The following B3GALT2 variants were observed in gnomAD, a reference collection of about 807,000 sequenced individuals.
B3GALT2 encodes UDP-Gal:betaGlcNAc beta 1,3-galactosyltransferase, polypeptide 2.
In B3GALT2, 13 loss-of-function variants were observed where a neutral mutation model predicts 33.5. That is an observed-to-expected ratio of 0.39 (90% CI 0.25 to 0.62). The LOEUF is 0.62. B3GALT2 is among the 20% of genes least tolerant of loss of function. The pLI is 0.53. For synonymous variants in B3GALT2, 195 were observed against 172.7 expected (o/e 1.13, Z -1.01); for missense variants, 418 against 509.1 (o/e 0.82, Z 1.72).
rs1048093109 is a variant in B3GALT2 at position 193,180,283 on chromosome 1, A to C, written c.*11T>G. The C allele has an allele frequency of 2.6e-6, 4 of 1,535,252 alleles. No individual in the cohort carries two copies. The African/African-American group carries it at 5.6e-5, about 21-fold the overall frequency. ...TTTACAAATTGCACATTTGAAAAAA[A>C]ATTGTCTTTTCTAATGTAGTTTACG... is the stretch of plus-strand genomic sequence containing the variant. On this transcript the variant is annotated 3_prime_UTR_variant, in exon 2 of 2. Transcript: ENST00000367434.
Position 193,181,057 on chromosome 1 carries a change from G to A in B3GALT2, c.506C>T (p.Ala169Val). 2 of 1,613,916 alleles carry A rather than the reference G, an allele frequency of 1.2e-6. No homozygotes were observed. Among genetic ancestry groups the A allele is most frequent in the Non-Finnish European group, 1.7e-6 (2 of 1,179,962 alleles). Residue 169 changes from alanine to valine, a missense_variant, in exon 2 of 2, where the codon GCT becomes GTT. Transcript: ENST00000367434. ...TTCATTGCCCCAAGTTTGCCGAATAGCTCTTCTAGCTTCTATTTGTCCAGG... is the reference window on the plus strand; with the variant it reads ...TTCATTGCCCCAAGTTTGCCGAATAACTCTTCTAGCTTCTATTTGTCCAGG... ...AEPGQIEARRAIRQTWGNESL... is the reference protein window; with the variant it reads ...AEPGQIEARRVIRQTWGNESL...
chr1:193,180,598 T>C lies in B3GALT2; in HGVS notation c.965A>G (p.Asp322Gly), dbSNP rs1187636173. 4 of 1,613,974 alleles carry C rather than the reference T, an allele frequency of 2.5e-6. No individual in the cohort carries two copies. Among genetic ancestry groups the C allele is most frequent in the African/African-American group, 2.7e-5 (2 of 74,916 alleles). Residue 322 changes from aspartate (D) to glycine (G), a missense_variant, in exon 2 of 2, where the codon GAT (aspartate) becomes GGT (glycine). Coordinates refer to ENST00000367434, the MANE Select transcript of B3GALT2 (RefSeq NM_003783.3). ...CSGTGYVFSG[D>G]LAEKIFKVSL... ...AACTTTAAAAATCTTTTCTGCCAGATCTCCAGAAAAAACATAACCAGTTCC... is the reference window on the plus strand; with the variant it reads ...AACTTTAAAAATCTTTTCTGCCAGACCTCCAGAAAAAACATAACCAGTTCC...
At chr1:193,185,298 A>G (rs1034184159) in intron 1 of B3GALT2, among the ~76,000 whole-genome samples, 2 of 152,132 alleles carry the variant, frequency 1.3e-5, no homozygotes, top group African/African-American at 2.4e-5. Flanking sequence ...TTTTAAAGCC[A>G]CTATTGATGT....
rs1676800875 is a variant in B3GALT2, at chr1:193,186,073, T to A, written c.-175A>T. The A allele has an allele frequency of 6.5e-6, 1 of 152,788 alleles. No homozygotes were observed. Among genetic ancestry groups the A allele is most frequent in the African/African-American group, 2.4e-5 (1 of 41,434 alleles). 9.5% of individuals were successfully genotyped at this position (152,788 alleles called of 1,614,324 possible). Reference sequence around the variant, plus strand: ...GGATTATGCCCACTGAAAATACTTTTGGCACGCCATCACTTCAGCAAAAAA... The same window carrying A: ...GGATTATGCCCACTGAAAATACTTTAGGCACGCCATCACTTCAGCAAAAAA... On this transcript the variant is annotated 5_prime_UTR_variant, in exon 1 of 2. Transcript: ENST00000367434.
At chr1:193,183,821 T>C (rs148527808) in intron 1 of B3GALT2, among the ~76,000 whole-genome samples, 1,855 of 152,038 alleles carry the variant, frequency 0.012, 19 homozygotes, top group South Asian at 0.034. Context: ...GATATGATAA[T>C]ACTTGGAATC....
chr1:193,184,238 T>TA (rs1358648497), intron 1 of B3GALT2, among the ~76,000 whole-genome samples: 1 of 151,948 alleles, frequency 6.6e-6, no homozygotes, highest in Non-Finnish European at 1.5e-5. Flanking sequence ...GTCTAGCCTT[T>TA]AAAAAATTCC....
In B3GALT2 at chr1:193,181,385, C is replaced by A; in HGVS notation, c.178G>T (p.Val60Leu). ...CGAAATCCTCGGAAAGTGTATGTCA[C>A]AGGGTTTTCTTTGAATCCAGCTCTG... ...PGRAGFKENP[V>L]TYTFRGFRST... Residue 60 changes from valine to leucine, a missense_variant, in exon 2 of 2, where the codon GTG (valine) becomes TTG (leucine). By Grantham distance (32) the Val-to-Leu change is conservative. Coordinates refer to ENST00000367434, the MANE Select transcript of B3GALT2 (RefSeq NM_003783.3). 6.2e-7 allele frequency: 1 copy of A among 1,614,032 alleles called. No individual in the cohort carries two copies.
chr1:193,180,355 T>C lies in B3GALT2; in HGVS notation c.1208A>G (p.Asn403Ser), dbSNP rs985438914. 6.2e-6 allele frequency: 10 copies of C among 1,611,044 alleles called. No individual in the cohort carries two copies. The highest frequency in any genetic ancestry group is 8.5e-6 in the Non-Finnish European group (10 of 1,178,000). Residue 403 changes from asparagine to serine, a missense_variant, in exon 2 of 2, where the codon AAT becomes AGT. Transcript: ENST00000367434. ...TTCTTTTGCTGCGTTGGCACAGGCA[T>C]TGTGCTTATTTTGTTGTAAATGGTT... is the stretch of plus-strand genomic sequence containing the variant. The part of the protein sequence containing the change: ...YWNHLQQNKH[N>S]ACANAAKEKA...
chr1:193,179,929 C>T lies in B3GALT2; in HGVS notation c.*365G>A, dbSNP rs944321292. The T allele has an allele frequency of 6.4e-6, 1 of 156,620 alleles. No individual in the cohort carries two copies. The highest frequency in any genetic ancestry group is 2.4e-5 in the African/African-American group (1 of 41,600). 9.7% of individuals were successfully genotyped at this position (156,620 alleles called of 1,614,324 possible). A position where few individuals can be genotyped will look rare whatever the true frequency, so the allele number is the denominator to read the frequency against. On this transcript the variant is annotated 3_prime_UTR_variant, in exon 2 of 2. Coordinates refer to ENST00000367434, the MANE Select transcript of B3GALT2 (RefSeq NM_003783.3). ...TATATATTAAAATGAAAAGCTTAATCTAAAATGAAGGATCTTTTGACTGTC... is the reference window on the plus strand; with the variant it reads ...TATATATTAAAATGAAAAGCTTAATTTAAAATGAAGGATCTTTTGACTGTC...
At chr1:193,184,252 T>C (rs890636329) in intron 1 of B3GALT2, among the ~76,000 whole-genome samples, 1 of 151,916 alleles carries the variant, frequency 6.6e-6, no homozygotes, top group Admixed American at 6.6e-5. Context: ...AAATTCCTTA[T>C]TAAAAGATTC....
At position 193,180,774 on chromosome 1, in the gene B3GALT2, G is replaced by A. The variant is rs2103158694; in HGVS notation, c.789C>T (p.Ile263=). The change falls in exon 2 of 2, where the codon ATC becomes ATT. Residue 263 remains isoleucine, a synonymous_variant. Transcript: ENST00000367434. ...GCAGATCTGGCTTCAGTAACTTATT[G>A]ATTAAATATTCAGTGTTGACAAACA... is the stretch of plus-strand genomic sequence containing the variant. ...SDMFVNTEYL[I]NKLLKPDLPP... 2.5e-6 allele frequency: 4 copies of A among 1,614,018 alleles called. No homozygotes were observed. The East Asian group carries it at 6.7e-5, about 27-fold the overall frequency.
At chr1:193,182,098 A>G (rs1020717222) in intron 1 of B3GALT2, among the ~76,000 whole-genome samples, 2 of 152,198 alleles carry the variant, frequency 1.3e-5, no homozygotes, top group African/African-American at 4.8e-5. Flanking sequence ...GGTATGGTGC[A>G]CAGTCAGAGG....
intron 1 of B3GALT2, among the ~76,000 whole-genome samples, chr1:193,183,353 A>G (rs925472875): frequency 6.7e-6 from 1 of 150,330 alleles, no homozygotes; most frequent in Non-Finnish European, 1.5e-5. Context: ...TAAAATGTAA[A>G]AAAATTAAGC....
chr1:193,181,416 C>T lies in B3GALT2; in HGVS notation c.147G>A (p.Leu49=). Residue 49 remains leucine (L), a synonymous_variant, in exon 2 of 2, where the codon CTG becomes CTA. Coordinates refer to ENST00000367434, the MANE Select transcript of B3GALT2 (RefSeq NM_003783.3). ...MFLFFNHHDW[L]PGRAGFKENP... ...TTTCTTTGAATCCAGCTCTGCCTGGCAGCCAGTCATGATGATTGAAAAACA... is the reference window on the plus strand; with the variant it reads ...TTTCTTTGAATCCAGCTCTGCCTGGTAGCCAGTCATGATGATTGAAAAACA... 1 of 1,614,060 alleles carries T rather than the reference C, an allele frequency of 6.2e-7. No homozygotes were observed. Among genetic ancestry groups the T allele is most frequent in the Non-Finnish European group, 8.5e-7 (1 of 1,179,948 alleles).
chr1:193,183,777 A>G (rs920407327), intron 1 of B3GALT2, among the ~76,000 whole-genome samples: 2 of 151,902 alleles, frequency 1.3e-5, no homozygotes, highest in African/African-American at 4.8e-5. Flanking sequence ...AATCTGTTCT[A>G]AGTGTTACAA....
intron 1 of B3GALT2, among the ~76,000 whole-genome samples, chr1:193,184,409 G>T (rs1289418271): frequency 6.6e-6 from 1 of 151,910 alleles, no homozygotes; most frequent in Non-Finnish European, 1.5e-5. Context: ...AAGTTCAGTA[G>T]TATGCAAAAT....
In B3GALT2 at chr1:193,181,067, C is replaced by T; in HGVS notation, c.496G>A (p.Ala166Thr). ...CAAGTTTGCCGAATAGCTCTTCTAGCTTCTATTTGTCCAGGCTCTGCAGCT... is the reference window on the plus strand; with the variant it reads ...CAAGTTTGCCGAATAGCTCTTCTAGTTTCTATTTGTCCAGGCTCTGCAGCT... ...LIAAEPGQIE[A>T]RRAIRQTWGN... The change falls in exon 2 of 2, where the codon GCT becomes ACT. Residue 166 changes from alanine (A) to threonine (T), a missense_variant. Physicochemically the swap from Ala to Thr is moderately conservative, Grantham distance 58. This residue lies in a region of B3GALT2 where 188 missense variants were observed against 197.5 expected (regional missense o/e 0.95). Transcript: ENST00000367434. 6.2e-7 allele frequency: 1 copy of T among 1,614,020 alleles called. No homozygotes were observed. Among genetic ancestry groups the T allele is most frequent in the South Asian group, 1.1e-5 (1 of 91,068 alleles).
intron 1 of B3GALT2, among the ~76,000 whole-genome samples, chr1:193,185,165 T>C (rs1676784278): frequency 6.6e-6 from 1 of 152,102 alleles, no homozygotes; most frequent in African/African-American, 2.4e-5. Context: ...TATTTTTGTA[T>C]CAAAGTATTT....
intron 1 of B3GALT2, among the ~76,000 whole-genome samples, chr1:193,182,187 A>G (rs969280419): frequency 8.5e-5 from 13 of 152,158 alleles, no homozygotes; most frequent in African/African-American, 3.1e-4. Context: ...TGTTAGTCAC[A>G]GTACACTGCT....
Sources: allele counts gnomAD v4.1 joint callset (sites outside exome capture counted in the v4.1 genomes callset), GRCh38; gene constraint gnomAD v4.1.1; regional missense constraint gnomAD v4.1.1; transcripts MANE v1.5; gene names NCBI Gene and HGNC (gene_info 2026-07-23, HGNC 2026-07-21).